Variants in PTPRG observed in about 807,000 individuals in gnomAD.
PTPRG encodes receptor-type tyrosine-protein phosphatase gamma.
Under a neutral mutation model 165.3 loss-of-function variants are expected in PTPRG, and 102 were observed. The ratio of observed to expected loss-of-function variants is 0.62; its 90% CI spans 0.53 to 0.73. The LOEUF is 0.73. Among genes scored for constraint, PTPRG ranks in the 30% least tolerant of loss-of-function variants. The probability of loss-of-function intolerance (pLI) is 0.00; values close to 1 mark genes in which losing one functional copy is unlikely to be tolerated. For synonymous variants in PTPRG, 675 were observed against 669.5 expected (o/e 1.01, Z -0.13); for missense variants, 1,866 against 1,861.4 (o/e 1.00, Z -0.05).
At chr3:61,751,834 C>G (rs1218669636) in intron 2 of PTPRG, among the ~76,000 whole-genome samples, 1 of 150,720 alleles carries the variant, frequency 6.6e-6, no homozygotes, top group Admixed American at 6.6e-5. Flanking sequence ...ACTAAAAATA[C>G]AAAAAAAAAT....
intron 1 of PTPRG, among the ~76,000 whole-genome samples, chr3:61,582,228 A>T (rs1301233705): frequency 6.6e-6 from 1 of 152,116 alleles, no homozygotes; most frequent in Non-Finnish European, 1.5e-5. Context: ...TTGGCCTCTC[A>T]AAGTGCTGGG....
intron 1 of PTPRG, among the ~76,000 whole-genome samples, chr3:61,639,013 C>T (rs1051359593): frequency 6.6e-6 from 1 of 151,966 alleles, no homozygotes; most frequent in Non-Finnish European, 1.5e-5. Context: ...ATGGTGTTTC[C>T]TAGGTTTTCT....
At chr3:61,689,815 C>G (rs114766382) in intron 1 of PTPRG, among the ~76,000 whole-genome samples, 2,336 of 152,256 alleles carry the variant, frequency 0.015, 27 homozygotes, top group South Asian at 0.027. Flanking sequence ...TTGCAGTGTT[C>G]TTATCCCATC....
intron 2 of PTPRG, among the ~76,000 whole-genome samples, chr3:61,832,220 G>C (rs1187687070): frequency 6.6e-6 from 1 of 152,202 alleles, no homozygotes; most frequent in African/African-American, 2.4e-5. Context: ...GCTTTTCGTT[G>C]TGACATGGAG....
At chr3:61,695,096 C>T (rs1020294601) in intron 1 of PTPRG, among the ~76,000 whole-genome samples, 9 of 152,084 alleles carry the variant, frequency 5.9e-5, no homozygotes, top group Middle Eastern at 6.8e-3. Context: ...CTGCAACCTC[C>T]GCCTCCCGGG....
intron 4 of PTPRG, among the ~76,000 whole-genome samples, chr3:62,047,280 G>C (rs1257814480): frequency 3.1e-5 from 1 of 32,092 alleles, no homozygotes; most frequent in Non-Finnish European, 9.2e-5. Flanking sequence ...TTTTTATTGA[G>C]ATGGAGTCTT....
chr3:61,796,925 A>G (rs951836164), intron 2 of PTPRG, among the ~76,000 whole-genome samples: 2 of 152,170 alleles, frequency 1.3e-5, no homozygotes, highest in African/African-American at 2.4e-5. Context: ...GGCTTAATCC[A>G]TATGTTTTCA....
At chr3:62,124,168 G>A (rs913832308) in intron 5 of PTPRG, 29 of 701,876 alleles carry the variant, frequency 4.1e-5, no homozygotes, top group African/African-American at 1.6e-4. Context: ...TGTTGTTGTC[G>A]TTGTTGTGCA....
chr3:62,265,639 G>C (rs1701838608), intron 17 of PTPRG, among the ~76,000 whole-genome samples: 1 of 151,960 alleles, frequency 6.6e-6, no homozygotes, highest in South Asian at 2.1e-4. Context: ...AAATGAACTG[G>C]TTAAAAAAGC....
chr3:61,630,917 G>C (rs1040935764), intron 1 of PTPRG, among the ~76,000 whole-genome samples: 1 of 151,974 alleles, frequency 6.6e-6, no homozygotes, highest in Non-Finnish European at 1.5e-5. Context: ...TTAGCCAGGC[G>C]TTGTGGCACG....
At chr3:62,132,077 C>A (rs960050489) in intron 5 of PTPRG, among the ~76,000 whole-genome samples, 2 of 152,162 alleles carry the variant, frequency 1.3e-5, no homozygotes, top group African/African-American at 2.4e-5. Flanking sequence ...GACACTGTCT[C>A]TTCAAGCTTC....
intron 1 of PTPRG, among the ~76,000 whole-genome samples, chr3:61,580,789 C>A (rs1700277094): frequency 6.6e-6 from 1 of 152,264 alleles, no homozygotes; most frequent in African/African-American, 2.4e-5. Flanking sequence ...TTATTATTTT[C>A]TTTTGGCTGC....
chr3:61,851,174 G>A (rs1007869006), intron 2 of PTPRG, among the ~76,000 whole-genome samples: 17 of 152,196 alleles, frequency 1.1e-4, no homozygotes, highest in Non-Finnish European at 2.2e-4. Flanking sequence ...CTATGGCTTA[G>A]TTTAAGCAAA....
At chr3:61,970,956 A>G (rs2040367634) in intron 2 of PTPRG, among the ~76,000 whole-genome samples, 1 of 152,214 alleles carries the variant, frequency 6.6e-6, no homozygotes, top group Non-Finnish European at 1.5e-5. Context: ...TCCTGAATTT[A>G]AGAGTGTAAT....
chr3:61,758,667 G>A (rs1247391932), intron 2 of PTPRG, among the ~76,000 whole-genome samples: 1 of 152,036 alleles, frequency 6.6e-6, no homozygotes, highest in African/African-American at 2.4e-5. Flanking sequence ...TGGCCAGGCT[G>A]GTCTCGAACT....
intron 2 of PTPRG, among the ~76,000 whole-genome samples, chr3:61,956,422 G>C (rs977307421): frequency 5.4e-5 from 7 of 130,162 alleles, no homozygotes; most frequent in African/African-American, 2.3e-4. Context: ...CAGAACTTTT[G>C]GTCATTACTA....
intron 4 of PTPRG, among the ~76,000 whole-genome samples, chr3:62,040,855 G>T (rs984729193): frequency 6.6e-6 from 1 of 152,190 alleles, no homozygotes; most frequent in African/African-American, 2.4e-5. Context: ...TTGAGCCTGG[G>T]TGTGGCCTCT....
chr3:61,916,780 A>G (rs531500278), intron 2 of PTPRG, among the ~76,000 whole-genome samples: 12 of 152,342 alleles, frequency 7.9e-5, no homozygotes, highest in African/African-American at 2.9e-4. Flanking sequence ...ACTGAGGTAT[A>G]GGAATATTAA....
Position 61,562,236 on chromosome 3 carries a change from A to T in PTPRG, c.-52A>T. 1 of 1,534,538 alleles carries T rather than the reference A, an allele frequency of 6.5e-7. No individual in the cohort carries two copies. The highest frequency in any genetic ancestry group is 9.0e-7 in the Non-Finnish European group (1 of 1,107,912). ...GAGGCTCGCACGGAGGCAAGAACTT[A>T]TTCAACAAGTTTACCTCCCTGCTTT... On this transcript the variant is annotated 5_prime_UTR_variant, in exon 1 of 30. Transcript: ENST00000474889.
Sources: gnomAD v4.1 joint callset for allele counts (sites outside exome capture counted in the v4.1 genomes callset) on GRCh38, gnomAD v4.1.1 for gene constraint, MANE v1.5 for transcripts, NCBI Gene and HGNC (gene_info 2026-07-23, HGNC 2026-07-21) for gene names.